The following FGF14 variants were observed in gnomAD, a reference collection of about 807,000 sequenced individuals.
The protein encoded by FGF14 is fibroblast growth factor 14, also known as fibroblast growth factor homologous factor 4.
FGF14 carries 5 observed loss-of-function variants against 25.5 expected under a neutral mutation model. The ratio of observed to expected loss-of-function variants is 0.20; its 90% CI spans 0.10 to 0.41. The LOEUF is 0.41. Among genes scored for constraint, FGF14 ranks in the 10% least tolerant of loss-of-function variants. FGF14 has a pLI of 1.00. For missense variants in FGF14, 222 were observed against 320.1 expected, an observed-to-expected ratio of 0.69 and a Z score of 2.34; for synonymous variants, 138 against 118.3, an observed-to-expected ratio of 1.17 and a Z score of -1.08.
At chr13:102,260,970 T>C (rs543925230) in intron 1 of FGF14, among the ~76,000 whole-genome samples, 1 of 152,348 alleles carries the variant, frequency 6.6e-6, no homozygotes, top group Admixed American at 6.5e-5. Context: ...TCTTTCCCTG[T>C]CCCTGTCCCC....
chr13:102,104,217 A>G (rs1448749548), intron 1 of FGF14, among the ~76,000 whole-genome samples: 4 of 152,206 alleles, frequency 2.6e-5, no homozygotes, highest in Non-Finnish European at 5.9e-5. Flanking sequence ...TTTGATAACA[A>G]TAACAGTAAT....
At position 101,726,481 on chromosome 13, in the gene FGF14, A is replaced by T. The variant is rs535375787; in HGVS notation, c.607+131T>A. The stretch of plus-strand genomic sequence containing the variant: ...AACTTAAGTAGGCACCTGTGCAACC[A>T]TCACCTAGATCAAAATAAATGACAT... On this transcript the variant is annotated intron_variant, in intron 4 of 4. Transcript: ENST00000376143. The T allele has an allele frequency of 4.7e-5, 40 of 849,590 alleles. No individual in the cohort carries two copies. The East Asian group carries it at 9.0e-4, about 19-fold the overall frequency. 52.6% of individuals were successfully genotyped at this position (849,590 alleles called of 1,614,324 possible). A position where few individuals can be genotyped will look rare whatever the true frequency, so the allele number is the denominator to read the frequency against.
chr13:102,402,251 C>T (rs2058715298), upstream of FGF14: 5 of 153,136 alleles, frequency 3.3e-5, no homozygotes, highest in South Asian at 8.3e-4. Flanking sequence ...AGTTCTCAAT[C>T]ACCACGAAGA....
intron 1 of FGF14, among the ~76,000 whole-genome samples, chr13:102,119,327 CTA>C (rs1261424002): frequency 6.6e-6 from 1 of 152,244 alleles, no homozygotes; most frequent in East Asian, 1.9e-4. Context: ...TCCAAACAGA[CTA>C]TATCGTGGGG....
At chr13:101,871,925 G>C (rs1332023458) in intron 2 of FGF14, among the ~76,000 whole-genome samples, 2 of 152,006 alleles carry the variant, frequency 1.3e-5, no homozygotes, top group Non-Finnish European at 2.9e-5. Context: ...CCTTCCCAGA[G>C]ATCTACATAT....
chr13:101,906,774 A>G lies in FGF14; in HGVS notation c.193+9679T>C, dbSNP rs147284112. On this transcript the variant is annotated intron_variant, in intron 1 of 4. Coordinates refer to ENST00000376143, the MANE Select transcript of FGF14 (RefSeq NM_004115.4). ...TTTGTCATTTTGACAAAAAATTAAC[A>G]TAGAAAAACTAAAAACACAAATGTA... Among the ~76,000 whole-genome samples the G allele has an allele frequency of 5.2e-3, 799 of 152,292 alleles. 5 individuals carry two copies. Among genetic ancestry groups the G allele is most frequent in the African/African-American group, 0.018 (754 of 41,574 alleles).
intron 1 of FGF14, among the ~76,000 whole-genome samples, chr13:102,321,574 A>C (rs1156643462): frequency 6.6e-6 from 1 of 152,150 alleles, no homozygotes; most frequent in African/African-American, 2.4e-5. Flanking sequence ...TATTGTTTAA[A>C]GTACGTTTGT....
chr13:101,918,125 C>A (rs984224870), upstream of FGF14, among the ~76,000 whole-genome samples: 1 of 152,118 alleles, frequency 6.6e-6, no homozygotes. Context: ...TGTCTGTGTC[C>A]CGACAGCGGT....
At chr13:102,163,833 C>T (rs1399559859) in intron 1 of FGF14, among the ~76,000 whole-genome samples, 1 of 121,646 alleles carries the variant, frequency 8.2e-6, no homozygotes, top group East Asian at 1.9e-4. Context: ...ATCAGACTTG[C>T]CCCCCCCAGA....
At chr13:102,222,535 C>A (rs754749460) in intron 1 of FGF14, among the ~76,000 whole-genome samples, 1 of 152,206 alleles carries the variant, frequency 6.6e-6, no homozygotes, top group African/African-American at 2.4e-5. Context: ...CTAGTTATTA[C>A]AGAGAAGGGC....
chr13:102,103,901 C>A (rs2044779525), intron 1 of FGF14, among the ~76,000 whole-genome samples: 2 of 152,258 alleles, frequency 1.3e-5, no homozygotes, highest in East Asian at 1.9e-4. Context: ...CATGGTCATC[C>A]ACCAGGTTAG....
chr13:102,034,161 C>T lies in FGF14; in HGVS notation c.209-158865G>A, dbSNP rs527283647. 2.0e-5 allele frequency among the ~76,000 whole-genome samples: 3 copies of T among 152,194 alleles called. 1 individual carries two copies. In the South Asian group the frequency reaches 6.2e-4, roughly 32 times the overall value. On this transcript the variant is annotated intron_variant, in intron 1 of 4. Coordinates refer to the FGF14 transcript ENST00000376131. ...GAGAATGTTAATATAGAGGCTGCAA[C>T]TCAATTTCCCTAGAGACTGTACCCT...
intron 1 of FGF14, among the ~76,000 whole-genome samples, chr13:102,081,637 T>C (rs577439475): frequency 1.3e-5 from 2 of 152,208 alleles, no homozygotes; most frequent in Non-Finnish European, 2.9e-5. Context: ...ACTCATCCTC[T>C]GACATTTTAC....
chr13:101,918,964 A>G (rs996761374), upstream of FGF14, among the ~76,000 whole-genome samples: 7 of 152,230 alleles, frequency 4.6e-5, no homozygotes, highest in African/African-American at 1.4e-4. Context: ...TAAAATAGCA[A>G]AAGTGAGAAA....
chr13:102,346,600 G>T (rs974346617), intron 1 of FGF14, among the ~76,000 whole-genome samples: 2 of 151,900 alleles, frequency 1.3e-5, no homozygotes, highest in East Asian at 3.9e-4. Flanking sequence ...TATAAGCTCA[G>T]AATATATACA....
At chr13:101,972,953 G>A (rs2037695737) in intron 1 of FGF14, among the ~76,000 whole-genome samples, 1 of 152,104 alleles carries the variant, frequency 6.6e-6, no homozygotes, top group African/African-American at 2.4e-5. Context: ...ATGAAGAATT[G>A]ACAAACAGGA....
chr13:102,175,667 T>A (rs1233260551), intron 1 of FGF14, among the ~76,000 whole-genome samples: 1 of 151,760 alleles, frequency 6.6e-6, no homozygotes. Flanking sequence ...AAACTATGCA[T>A]CCAACAAAGA....
At chr13:102,069,747 G>A (rs530935271) in intron 1 of FGF14, among the ~76,000 whole-genome samples, 2 of 152,188 alleles carry the variant, frequency 1.3e-5, no homozygotes, top group Admixed American at 6.5e-5. Context: ...CTCCAGACGC[G>A]CCACCTTAAG....
intron 1 of FGF14, among the ~76,000 whole-genome samples, chr13:102,364,514 A>C (rs1043839535): frequency 3.9e-5 from 6 of 152,216 alleles, no homozygotes; most frequent in Non-Finnish European, 4.4e-5. Context: ...TTTCATGCTT[A>C]AGAGTATTTC....
Sources: allele counts gnomAD v4.1 joint callset (sites outside exome capture counted in the v4.1 genomes callset), GRCh38; gene constraint gnomAD v4.1.1; transcripts MANE v1.5; gene names NCBI Gene and HGNC (gene_info 2026-07-23, HGNC 2026-07-21).